The following CNTNAP5 variants were observed in gnomAD, a reference collection of about 807,000 sequenced individuals.
The protein encoded by CNTNAP5 is contactin-associated protein-like 5.
A neutral mutation model predicts 150.2 loss-of-function variants in CNTNAP5; 72 were observed. The observed-to-expected ratio is 0.48, with a 90% confidence interval of 0.40 to 0.58. The LOEUF is 0.58. Among genes scored for constraint, CNTNAP5 ranks in the 20% least tolerant of loss-of-function variants. CNTNAP5 has a pLI of 0.00. For missense variants in CNTNAP5, 1,636 were observed against 1,626.2 expected, an observed-to-expected ratio of 1.01 and a Z score of -0.10; for synonymous variants, 672 against 619.8, an observed-to-expected ratio of 1.08 and a Z score of -1.25.
chr2:124,793,850 T>C (rs1242077454), intron 18 of CNTNAP5, among the ~76,000 whole-genome samples: 1 of 152,182 alleles, frequency 6.6e-6, no homozygotes, highest in Non-Finnish European at 1.5e-5. Context: ...AGTGTTTTAA[T>C]TTAAATGTTT....
intron 3 of CNTNAP5, among the ~76,000 whole-genome samples, chr2:124,378,176 A>C (rs1299557003): frequency 5.3e-5 from 8 of 152,052 alleles, no homozygotes; most frequent in Non-Finnish European, 8.8e-5. Context: ...AAACCTCTTC[A>C]TCCTTTAAAT....
intron 11 of CNTNAP5, among the ~76,000 whole-genome samples, chr2:124,576,168 C>CTATATA (rs776796273): frequency 1.4e-5 from 2 of 140,984 alleles, no homozygotes; most frequent in Non-Finnish European, 1.6e-5. Context: ...ATATCTATAT[C>CTATATA]TATATATATG....
At position 124,741,483 on chromosome 2, in the gene CNTNAP5, T is replaced by A. The variant is rs576288655; in HGVS notation, c.2078-5746T>A. The stretch of plus-strand genomic sequence containing the variant: ...AGCTCCCAATGATTAAGCCATACAA[T>A]TGTGCAACTAACCTGTTTGAATTCT... On this transcript the variant is annotated intron_variant, in intron 13 of 23. Coordinates refer to ENST00000682447, the MANE Select transcript of CNTNAP5 (RefSeq NM_001367498.1). Among the ~76,000 whole-genome samples the A allele has an allele frequency of 2.0e-5, 3 of 152,344 alleles. No individual in the cohort carries two copies. The South Asian group carries it at 6.2e-4, about 32-fold the overall frequency.
chr2:124,057,400 C>A (rs1225055634), intron 1 of CNTNAP5, among the ~76,000 whole-genome samples: 12 of 149,698 alleles, frequency 8.0e-5, no homozygotes, highest in Admixed American at 7.4e-4. Context: ...TCCTGCCTCA[C>A]CCTCCCGAGT....
At chr2:124,820,691 T>C (rs1449559801) in intron 19 of CNTNAP5, among the ~76,000 whole-genome samples, 1 of 152,226 alleles carries the variant, frequency 6.6e-6, no homozygotes, top group Non-Finnish European at 1.5e-5. Flanking sequence ...TAGTCCCTCA[T>C]ATTTATTCAA....
At chr2:124,798,502 C>T (rs542343553) in intron 19 of CNTNAP5, among the ~76,000 whole-genome samples, 182 bp downstream of exon 19, 10 of 152,292 alleles carry the variant, frequency 6.6e-5, no homozygotes, top group African/African-American at 2.2e-4. Context: ...GTATTCAGGG[C>T]CAGTGTCAAT....
At chr2:124,841,166 C>G (rs1240301093) in intron 19 of CNTNAP5, among the ~76,000 whole-genome samples, 2 of 152,064 alleles carry the variant, frequency 1.3e-5, no homozygotes. Flanking sequence ...CCACCATTCA[C>G]AGTAGTGCTT....
chr2:124,480,379 T>C (rs1693736004), intron 7 of CNTNAP5, among the ~76,000 whole-genome samples: 1 of 152,214 alleles, frequency 6.6e-6, no homozygotes, highest in Admixed American at 6.5e-5. Flanking sequence ...TTCGTTTGCA[T>C]CTCTGCTGTC....
At chr2:124,699,782 CCTTT>C (rs34337146) in intron 13 of CNTNAP5, among the ~76,000 whole-genome samples, 4 of 151,316 alleles carry the variant, frequency 2.6e-5, no homozygotes, top group African/African-American at 9.7e-5. Flanking sequence ...TGTTCTTTCT[CCTTT>C]CTTTCTTTTC....
intron 12 of CNTNAP5, among the ~76,000 whole-genome samples, chr2:124,626,488 G>T (rs1237227406): frequency 6.6e-6 from 1 of 152,030 alleles, no homozygotes; most frequent in East Asian, 1.9e-4. Context: ...GTACCTCCCC[G>T]CTGAGCCAAG....
intron 1 of CNTNAP5, among the ~76,000 whole-genome samples, chr2:124,124,222 C>G (rs1185831922): frequency 6.6e-6 from 1 of 151,988 alleles, no homozygotes; most frequent in Non-Finnish European, 1.5e-5. Context: ...CTTAAATGAC[C>G]TGATGGAGCT....
chr2:124,266,988 A>G (rs1028914214), intron 3 of CNTNAP5, among the ~76,000 whole-genome samples: 9 of 150,790 alleles, frequency 6.0e-5, no homozygotes, highest in African/African-American at 2.2e-4. Context: ...TTTTTTTACA[A>G]TGCTGGGAAG....
rs1689502876 is a variant in CNTNAP5, at chr2:124,337,490, G to A, written c.382-79953G>A. Among the ~76,000 whole-genome samples the A allele has an allele frequency of 2.6e-5, 4 of 152,012 alleles. No homozygotes were observed. In the South Asian group the frequency reaches 6.2e-4, roughly 24 times the overall value. ...TGGTATTCCCTAGGTTTTCTTCTAG[G>A]GTTTTTATGGTTTTAGGTCTAACAT... On this transcript the variant is annotated intron_variant, in intron 3 of 23. Transcript: ENST00000682447.
intron 12 of CNTNAP5, among the ~76,000 whole-genome samples, chr2:124,626,043 C>G (rs969587658): frequency 9.2e-5 from 14 of 152,032 alleles, no homozygotes; most frequent in African/African-American, 2.9e-4. Context: ...CAAATGTACC[C>G]AACACACCCA....
At chr2:124,146,024 G>A (rs960521480) in intron 1 of CNTNAP5, among the ~76,000 whole-genome samples, 78 of 152,000 alleles carry the variant, frequency 5.1e-4, no homozygotes, top group African/African-American at 1.7e-3. Context: ...CATTTTGTGA[G>A]CAATATTTTG....
rs1385462326 is a variant in CNTNAP5, at chr2:124,687,020, G to GAATGATCTT, written c.2077+39063_2077+39071dup. On this transcript the variant is annotated intron_variant, in intron 13 of 23. Coordinates refer to ENST00000682447, the MANE Select transcript of CNTNAP5 (RefSeq NM_001367498.1). ...AGAGCACTTGAAATGCAGTCATTGC[G>GAATGATCTT]AATGATCTTTTTGCAATCCACAAGT... 6.6e-5 allele frequency among the ~76,000 whole-genome samples: 10 copies of GAATGATCTT among 152,046 alleles called. No individual in the cohort carries two copies. The East Asian group carries it at 1.7e-3, about 27-fold the overall frequency.
chr2:124,674,800 AAATTGTTGATTTTTAATTTAAAT>A (rs1678904773), intron 13 of CNTNAP5, among the ~76,000 whole-genome samples: 1 of 151,932 alleles, frequency 6.6e-6, no homozygotes, highest in African/African-American at 2.4e-5. Context: ...TTTCAAGTTT[AAATTGTTGATTTTTAATTTAAAT>A]TTAAGAATTT....
At chr2:124,224,118 G>T (rs1686398691) in intron 2 of CNTNAP5, among the ~76,000 whole-genome samples, 1 of 152,008 alleles carries the variant, frequency 6.6e-6, no homozygotes, top group Non-Finnish European at 1.5e-5. Flanking sequence ...TGTCTTGGAT[G>T]GGACCCAAGC....
intron 1 of CNTNAP5, among the ~76,000 whole-genome samples, chr2:124,178,968 T>A (rs887610868): frequency 6.6e-6 from 1 of 151,092 alleles, no homozygotes; most frequent in African/African-American, 2.4e-5. Context: ...TGTGTGTGTG[T>A]GAGAGACAGA....
Sources: allele counts gnomAD v4.1 joint callset (sites outside exome capture counted in the v4.1 genomes callset), GRCh38; gene constraint gnomAD v4.1.1; transcripts MANE v1.5; gene names NCBI Gene and HGNC (gene_info 2026-07-23, HGNC 2026-07-21).